The following LSAMP variants were observed in gnomAD, a reference collection of about 807,000 sequenced individuals.
The protein encoded by LSAMP is limbic system associated membrane protein.
A neutral mutation model predicts 38.6 loss-of-function variants in LSAMP; 7 were observed. That is an observed-to-expected ratio of 0.18 (90% CI 0.10 to 0.34). The LOEUF is 0.34. Among genes scored for constraint, LSAMP ranks in the 10% least tolerant of loss-of-function variants. LSAMP has a pLI of 1.00. For missense variants in LSAMP, 313 were observed against 420.0 expected, an observed-to-expected ratio of 0.75 and a Z score of 2.23; for synonymous variants, 154 against 166.8, an observed-to-expected ratio of 0.92 and a Z score of 0.59.
chr3:116,306,519 C>T (rs1293625314), intron 1 of LSAMP, among the ~76,000 whole-genome samples: 1 of 152,056 alleles, frequency 6.6e-6, no homozygotes, highest in Middle Eastern at 3.4e-3. Flanking sequence ...GATTCTTACA[C>T]TTGTACTTAG....
At chr3:115,857,177 T>C (rs1461307908) in intron 3 of LSAMP, among the ~76,000 whole-genome samples, 1 of 152,186 alleles carries the variant, frequency 6.6e-6, no homozygotes, top group Non-Finnish European at 1.5e-5. Context: ...CACGATACAA[T>C]CTTAGCAAGT....
At chr3:116,378,265 G>T (rs1048106776) in intron 1 of LSAMP, among the ~76,000 whole-genome samples, 1 of 151,940 alleles carries the variant, frequency 6.6e-6, no homozygotes, top group African/African-American at 2.4e-5. Context: ...GGAAGCTGTT[G>T]TGGTATTTTT....
chr3:116,139,394 T>G (rs1435862376), intron 1 of LSAMP, among the ~76,000 whole-genome samples: 12 of 152,126 alleles, frequency 7.9e-5, no homozygotes, highest in Admixed American at 7.9e-4. Flanking sequence ...GAGGCCAACC[T>G]GGAGTTCTTC....
At chr3:116,222,172 A>T (rs1049320724) in intron 1 of LSAMP, among the ~76,000 whole-genome samples, 1 of 151,474 alleles carries the variant, frequency 6.6e-6, no homozygotes, top group African/African-American at 2.4e-5. Flanking sequence ...AACCATGTTA[A>T]CTCTCTGGGC....
At chr3:115,968,806 C>G (rs1198334492) in intron 3 of LSAMP, among the ~76,000 whole-genome samples, 1 of 152,202 alleles carries the variant, frequency 6.6e-6, no homozygotes, top group African/African-American at 2.4e-5. Context: ...GACTGCCTTT[C>G]CAGTTTATTT....
intron 1 of LSAMP, among the ~76,000 whole-genome samples, chr3:116,271,567 G>T (rs2046973750): frequency 6.6e-6 from 1 of 152,070 alleles, no homozygotes; most frequent in Admixed American, 6.6e-5. Context: ...TAACAAAACT[G>T]GATTTTGTTA....
chr3:115,870,667 C>T (rs1344070781), intron 3 of LSAMP, among the ~76,000 whole-genome samples: 1 of 152,182 alleles, frequency 6.6e-6, no homozygotes, highest in Non-Finnish European at 1.5e-5. Context: ...TGGCCCAACT[C>T]ACTGGTTCCT....
chr3:116,095,616 G>GA lies in LSAMP; in HGVS notation c.156-9061dup, dbSNP rs1164350732. Reference sequence around the variant, plus strand: ...ACATTCACATAGAAGAAATAAATGGGAAAAAATAAGACACAAATTCTAAAA... The same window carrying GA: ...ACATTCACATAGAAGAAATAAATGGGAAAAAAATAAGACACAAATTCTAAAA... On this transcript the variant is annotated intron_variant, in intron 1 of 6. Transcript: ENST00000490035. 3.3e-5 allele frequency among the ~76,000 whole-genome samples: 5 copies of GA among 152,210 alleles called. No homozygotes were observed. The East Asian group carries it at 5.8e-4, about 18-fold the overall frequency.
intron 2 of LSAMP, among the ~76,000 whole-genome samples, chr3:116,041,551 A>G (rs1941170673): frequency 6.6e-6 from 1 of 151,428 alleles, no homozygotes; most frequent in Non-Finnish European, 1.5e-5. Flanking sequence ...TTGTTCCTGT[A>G]TTGGACAAAG....
At chr3:116,212,104 A>G (rs2046164930) in intron 1 of LSAMP, among the ~76,000 whole-genome samples, 1 of 152,202 alleles carries the variant, frequency 6.6e-6, no homozygotes, top group Non-Finnish European at 1.5e-5. Flanking sequence ...ATTGCTTGAC[A>G]CAGTTTGCTG....
At chr3:116,184,394 T>C (rs1455970203) in intron 1 of LSAMP, among the ~76,000 whole-genome samples, 1 of 151,910 alleles carries the variant, frequency 6.6e-6, no homozygotes, top group African/African-American at 2.4e-5. Flanking sequence ...TTCTTAGTCA[T>C]TATATTACAC....
intron 3 of LSAMP, among the ~76,000 whole-genome samples, chr3:115,950,763 CA>C (rs202157611): frequency 0.033 from 2,545 of 77,662 alleles, 81 homozygotes; most frequent in African/African-American, 0.13. Context: ...CATATGGAAC[CA>C]AAAAACAGCT....
intron 1 of LSAMP, among the ~76,000 whole-genome samples, chr3:116,434,662 C>G (rs140874440): frequency 7.2e-4 from 109 of 152,250 alleles, no homozygotes; most frequent in African/African-American, 2.5e-3. Context: ...AAGCCATTCT[C>G]CTGCCTCGGC....
intron 2 of LSAMP, among the ~76,000 whole-genome samples, chr3:116,085,340 A>G (rs1176237273): frequency 6.6e-6 from 1 of 152,240 alleles, no homozygotes; most frequent in East Asian, 1.9e-4. Flanking sequence ...TGGGAGAGCA[A>G]TAATTTAAAC....
intron 2 of LSAMP, among the ~76,000 whole-genome samples, chr3:116,059,363 A>T (rs1480764993): frequency 1.3e-5 from 2 of 152,224 alleles, no homozygotes; most frequent in Non-Finnish European, 2.9e-5. Context: ...TCAGGAGAAG[A>T]TGTGTTCCTT....
At chr3:116,326,010 T>C (rs1174739694) in intron 1 of LSAMP, among the ~76,000 whole-genome samples, 1 of 152,186 alleles carries the variant, frequency 6.6e-6, no homozygotes, top group Non-Finnish European at 1.5e-5. Context: ...AAAAGCTGAA[T>C]AATTGAGGAG....
chr3:115,869,690 T>C (rs1422309364), intron 3 of LSAMP, among the ~76,000 whole-genome samples: 1 of 152,130 alleles, frequency 6.6e-6, no homozygotes, highest in African/African-American at 2.4e-5. Flanking sequence ...CTTTCTGTTA[T>C]AATCATTTTC....
At chr3:116,139,610 C>A (rs957521593) in intron 1 of LSAMP, among the ~76,000 whole-genome samples, 4 of 151,980 alleles carry the variant, frequency 2.6e-5, no homozygotes, top group African/African-American at 9.7e-5. Flanking sequence ...CTGCCAGATT[C>A]ATTGCAAGTT....
At chr3:116,431,051 T>C (rs1484665761) in intron 1 of LSAMP, among the ~76,000 whole-genome samples, 1 of 152,078 alleles carries the variant, frequency 6.6e-6, no homozygotes, top group African/African-American at 2.4e-5. Flanking sequence ...ACCTTATAAT[T>C]CCATCAACAA....
Sources: allele counts gnomAD v4.1 joint callset (sites outside exome capture counted in the v4.1 genomes callset), GRCh38; gene constraint gnomAD v4.1.1; transcripts MANE v1.5; gene names NCBI Gene and HGNC (gene_info 2026-07-23, HGNC 2026-07-21).